The following GLYR1 variants were observed in gnomAD, a reference collection of about 807,000 sequenced individuals.
GLYR1 encodes glyoxylate reductase 1 homolog, also known as cytokine-like nuclear factor N-PAC.
In GLYR1, 21 loss-of-function variants were observed where a neutral mutation model predicts 72.7. That is an observed-to-expected ratio of 0.29 (90% CI 0.20 to 0.42). The LOEUF (loss-of-function observed/expected upper bound fraction) is 0.42, where lower values mean the gene tolerates loss of function less well. Among genes scored for constraint, GLYR1 ranks in the 10% least tolerant of loss-of-function variants. The probability of loss-of-function intolerance (pLI) is 1.00; values close to 1 mark genes in which losing one functional copy is unlikely to be tolerated. For missense variants in GLYR1, 594 were observed against 712.1 expected, an observed-to-expected ratio of 0.83 and a Z score of 1.89; for synonymous variants, 392 against 270.2, an observed-to-expected ratio of 1.45 and a Z score of -4.42.
intron 15 of GLYR1, among the ~76,000 whole-genome samples, chr16:4,810,817 C>CTGAA (rs1455100954): frequency 7.0e-6 from 1 of 142,426 alleles, no homozygotes; most frequent in Non-Finnish European, 1.5e-5. Flanking sequence ...GAAAAAGAAA[C>CTGAA]TGAATGGCTG....
intron 3 of GLYR1, among the ~76,000 whole-genome samples, chr16:4,841,646 A>C (rs1371032018): frequency 1.8e-5 from 2 of 109,420 alleles, no homozygotes; most frequent in East Asian, 4.5e-4. Flanking sequence ...CAAGAAACCA[A>C]ACAAGAACAA....
intron 5 of GLYR1, among the ~76,000 whole-genome samples, chr16:4,826,457 A>G (rs1281594140): frequency 2.0e-5 from 3 of 152,132 alleles, no homozygotes; most frequent in Non-Finnish European, 4.4e-5. Context: ...ACATCCTAGA[A>G]AAGCAAGAAC....
chr16:4,827,220 G>C (rs2084437781), intron 5 of GLYR1, among the ~76,000 whole-genome samples: 1 of 152,250 alleles, frequency 6.6e-6, no homozygotes, highest in South Asian at 2.1e-4. Context: ...ATCAGCCTAT[G>C]TGACTGCTCA....
chr16:4,835,880 T>A (rs1464635090), intron 3 of GLYR1, among the ~76,000 whole-genome samples: 1 of 152,168 alleles, frequency 6.6e-6, no homozygotes, highest in African/African-American at 2.4e-5. Flanking sequence ...CTATGGGGAT[T>A]ACCTCTTGAA....
rs1380996721 is a variant in GLYR1, at chr16:4,805,459, A to T, written c.1588-149T>A. The T allele has an allele frequency of 5.8e-6, 4 of 686,814 alleles. No individual in the cohort carries two copies. In the Admixed American group the frequency reaches 8.6e-5, roughly 15 times the overall value. The allele number at this position is 686,814 out of a possible 1,614,324, so 42.5% of individuals were successfully genotyped here. On this transcript the variant is annotated intron_variant, in intron 15 of 15. Coordinates refer to ENST00000321919, the MANE Select transcript of GLYR1 (RefSeq NM_032569.4). Reference sequence around the variant, plus strand: ...GGAATCCTGTGTTGACCTTGCATGAAGCACCTCCGTTTCTCTGGACCTCAG... The same window carrying T: ...GGAATCCTGTGTTGACCTTGCATGATGCACCTCCGTTTCTCTGGACCTCAG...
chr16:4,823,815 C>G lies in GLYR1; in HGVS notation c.624+6G>C. ...AGCTTGTCCTGCCTGCAGGAGAGCT[C>G]CTTACCTCGCTTGCGGTTGGCTGCC... On this transcript the variant is annotated splice_donor_region_variant and intron_variant, in intron 6 of 15. Transcript: ENST00000321919. The G allele has an allele frequency of 6.2e-7, 1 of 1,613,660 alleles. No individual in the cohort carries two copies. The highest frequency in any genetic ancestry group is 8.5e-7 in the Non-Finnish European group (1 of 1,179,748).
chr16:4,841,472 A>G (rs1043690818), intron 3 of GLYR1, among the ~76,000 whole-genome samples: 3 of 150,110 alleles, frequency 2.0e-5, no homozygotes, highest in African/African-American at 7.3e-5. Flanking sequence ...AAAAAAAAAA[A>G]AAAAAAAAAA....
chr16:4,832,011 G>C lies in GLYR1; in HGVS notation c.505C>G (p.Arg169Gly). ...PLKRAQEQSP[R>G]KRGRPPKDEK... ...TCCTTTGGGGGCCGACCCCGCTTCCGGGGACTTTGCTCTTGGGCTCTTTTC... is the reference window on the plus strand; with the variant it reads ...TCCTTTGGGGGCCGACCCCGCTTCCCGGGACTTTGCTCTTGGGCTCTTTTC... The change falls in exon 5 of 16, where the codon CGG (arginine) becomes GGG (glycine). Residue 169 changes from arginine to glycine, a missense_variant. Arg to Gly is a moderately radical substitution (Grantham distance 125). This residue lies in a region of GLYR1 where 252 missense variants were observed against 211.3 expected (regional missense o/e 1.19). Coordinates refer to ENST00000321919, the MANE Select transcript of GLYR1 (RefSeq NM_032569.4). 1 of 1,614,044 alleles carries C rather than the reference G, an allele frequency of 6.2e-7. No individual in the cohort carries two copies. Among genetic ancestry groups the C allele is most frequent in the Non-Finnish European group, 8.5e-7 (1 of 1,179,966 alleles).
At chr16:4,830,707 C>T (rs1043674010) in intron 5 of GLYR1, among the ~76,000 whole-genome samples, 26 of 152,204 alleles carry the variant, frequency 1.7e-4, no homozygotes, top group African/African-American at 6.0e-4. Context: ...GACACAGTCC[C>T]CTTCACTTTG....
At chr16:4,827,179 G>A (rs950302403) in intron 5 of GLYR1, among the ~76,000 whole-genome samples, 3 of 152,196 alleles carry the variant, frequency 2.0e-5, no homozygotes, top group African/African-American at 4.8e-5. Context: ...ATTATGTCCC[G>A]GAATGGCACT....
chr16:4,814,318 A>T (rs149866855), intron 11 of GLYR1, among the ~76,000 whole-genome samples: 536 of 152,376 alleles, frequency 3.5e-3, no homozygotes, highest in Non-Finnish European at 5.3e-3. Context: ...TTCAGCACAG[A>T]CTTCAAGGGC....
chr16:4,826,197 G>A (rs1022215270), intron 5 of GLYR1, among the ~76,000 whole-genome samples: 16 of 152,168 alleles, frequency 1.1e-4, no homozygotes, highest in Non-Finnish European at 2.2e-4. Context: ...ACAGGTGTGT[G>A]CCACTACGCC....
intron 5 of GLYR1, among the ~76,000 whole-genome samples, chr16:4,831,662 G>A (rs1308402106): frequency 6.6e-6 from 1 of 152,158 alleles, no homozygotes; most frequent in Non-Finnish European, 1.5e-5. Flanking sequence ...TGGTCTATGG[G>A]ATTCTTTATT....
chr16:4,813,107 T>C (rs1596315650), intron 12 of GLYR1, among the ~76,000 whole-genome samples: 2 of 151,858 alleles, frequency 1.3e-5, no homozygotes, highest in African/African-American at 2.4e-5. Context: ...GGACTACAGG[T>C]GCCCGCCACC....
intron 2 of GLYR1, among the ~76,000 whole-genome samples, chr16:4,845,515 T>G (rs2085948285): frequency 1.3e-5 from 2 of 151,868 alleles, no homozygotes; most frequent in Non-Finnish European, 1.5e-5. Context: ...TGCTCCAATG[T>G]GACCCCATTA....
At chr16:4,828,869 C>T (rs559750334) in intron 5 of GLYR1, among the ~76,000 whole-genome samples, 6 of 152,194 alleles carry the variant, frequency 3.9e-5, no homozygotes, top group African/African-American at 1.4e-4. Flanking sequence ...TTGTACTTCC[C>T]TTTATCCAAC....
At position 4,840,532 on chromosome 16, in the gene GLYR1, AAC is replaced by A. The variant is rs149789441; in HGVS notation, c.155+4540_155+4541del. Among the ~76,000 whole-genome samples the A allele has an allele frequency of 2.2e-3, 340 of 151,402 alleles. 2 individuals are homozygous for A. The highest frequency in any genetic ancestry group is 7.7e-3 in the African/African-American group (320 of 41,292). On this transcript the variant is annotated intron_variant, in intron 3 of 15. Transcript: ENST00000321919. ...TCTCATATTCCTTTCTTTTCAAACAAACACACACACACACACTCTCTCTCTCT... is the reference window on the plus strand; with the variant it reads ...TCTCATATTCCTTTCTTTTCAAACAAACACACACACACACTCTCTCTCTCT...
At chr16:4,826,950 C>G (rs1356665941) in intron 5 of GLYR1, among the ~76,000 whole-genome samples, 1 of 152,212 alleles carries the variant, frequency 6.6e-6, no homozygotes, top group Non-Finnish European at 1.5e-5. Context: ...TCCTAAACTT[C>G]TGCTCCTCGT....
intron 3 of GLYR1, among the ~76,000 whole-genome samples, chr16:4,840,728 G>A (rs1242811165): frequency 6.6e-6 from 1 of 152,204 alleles, no homozygotes; most frequent in Non-Finnish European, 1.5e-5. Flanking sequence ...AGGACACAGA[G>A]GCTCAGAAAG....
Sources: allele counts gnomAD v4.1 joint callset (sites outside exome capture counted in the v4.1 genomes callset), GRCh38; gene constraint gnomAD v4.1.1; regional missense constraint gnomAD v4.1.1; transcripts MANE v1.5; gene names NCBI Gene and HGNC (gene_info 2026-07-23, HGNC 2026-07-21).